Variants in GRIK4 observed in about 807,000 individuals in gnomAD.
GRIK4 encodes the protein glutamate ionotropic receptor kainate type subunit 4, also known as glutamate receptor ionotropic, kainate 4.
Under a neutral mutation model 104.9 loss-of-function variants are expected in GRIK4, and 40 were observed. That is an observed-to-expected ratio of 0.38 (90% CI 0.30 to 0.50). The LOEUF (loss-of-function observed/expected upper bound fraction) is 0.50, where lower values mean the gene tolerates loss of function less well. Ranked by LOEUF, GRIK4 falls within the 20% of genes least tolerant of loss-of-function variation. The pLI is 0.93. For synonymous variants in GRIK4, 485 were observed against 524.9 expected (o/e 0.92, Z 1.04); for missense variants, 1,047 against 1,308.1 (o/e 0.80, Z 3.08).
intron 14 of GRIK4, among the ~76,000 whole-genome samples, chr11:120,946,376 T>C (rs917020108): frequency 2.0e-5 from 3 of 152,236 alleles, no homozygotes; most frequent in African/African-American, 7.2e-5. Context: ...AACAGTTCGT[T>C]GTTGCTGGGT....
intron 19 of GRIK4, among the ~76,000 whole-genome samples, chr11:120,976,480 T>C (rs1418013598): frequency 6.6e-6 from 1 of 152,246 alleles, no homozygotes; most frequent in Non-Finnish European, 1.5e-5. Flanking sequence ...ATAAAGTTGC[T>C]ATTTACAATA....
At chr11:120,797,745 G>T (rs552327009) in intron 3 of GRIK4, among the ~76,000 whole-genome samples, 1 of 152,198 alleles carries the variant, frequency 6.6e-6, no homozygotes, top group Non-Finnish European at 1.5e-5. Context: ...TAGTGAGTTG[G>T]CAATGACCTG....
At chr11:120,840,905 G>T (rs1413126551) in intron 8 of GRIK4, among the ~76,000 whole-genome samples, 1 of 151,828 alleles carries the variant, frequency 6.6e-6, no homozygotes, top group Non-Finnish European at 1.5e-5. Context: ...CCTCCCCATG[G>T]CCTGTGGTAA....
In GRIK4 at chr11:120,903,447, C is replaced by T. The variant is rs938780548; in HGVS notation, c.1273-1843C>T. ...CTCCAGGCTCAGGCCTCAACCTCACCCCGCCCCACCCTGCCTCCACCCTGC... is the reference window on the plus strand; with the variant it reads ...CTCCAGGCTCAGGCCTCAACCTCACTCCGCCCCACCCTGCCTCCACCCTGC... On this transcript the variant is annotated intron_variant, in intron 12 of 20. Transcript: ENST00000527524. This position sits in a 1 kb window ranked among gnomAD's most constrained non-coding sequence, Gnocchi z 4.4. Among the ~76,000 whole-genome samples the T allele has an allele frequency of 6.6e-6, 1 of 152,066 alleles. No individual in the cohort carries two copies. Among genetic ancestry groups the T allele is most frequent in the African/African-American group, 2.4e-5 (1 of 41,374 alleles).
intron 1 of GRIK4, among the ~76,000 whole-genome samples, chr11:120,517,515 C>T (rs1005662856): frequency 6.7e-6 from 1 of 148,896 alleles, no homozygotes; most frequent in Admixed American, 6.6e-5. Flanking sequence ...TGACTTCCGC[C>T]TAAAGTTGGA....
chr11:120,935,672 C>T (rs375567184), intron 13 of GRIK4, among the ~76,000 whole-genome samples: 10 of 152,298 alleles, frequency 6.6e-5, no homozygotes, highest in South Asian at 2.1e-4. Context: ...GTTAACGGAA[C>T]GACAGTTATC....
intron 1 of GRIK4, among the ~76,000 whole-genome samples, chr11:120,609,765 C>T (rs1396570541): frequency 6.6e-6 from 1 of 152,078 alleles, no homozygotes; most frequent in Non-Finnish European, 1.5e-5. Context: ...CCATCTGCCT[C>T]GGCCTCCCAA....
chr11:120,704,489 G>A (rs1317245880), intron 3 of GRIK4, among the ~76,000 whole-genome samples: 1 of 152,190 alleles, frequency 6.6e-6, no homozygotes, highest in Non-Finnish European at 1.5e-5. Context: ...TCTCAGCTTC[G>A]AAGCCTGCAC....
At chr11:120,627,715 T>TAA (rs1949279782) in intron 1 of GRIK4, among the ~76,000 whole-genome samples, 1 of 152,186 alleles carries the variant, frequency 6.6e-6, no homozygotes, top group African/African-American at 2.4e-5. Context: ...GTAGCCCTGC[T>TAA]GGACCTCTGC....
chr11:120,712,557 A>T (rs1196610412), intron 3 of GRIK4, among the ~76,000 whole-genome samples: 1 of 151,468 alleles, frequency 6.6e-6, no homozygotes, highest in African/African-American at 2.4e-5. Flanking sequence ...GGAGGCCAGC[A>T]TTGGAGGATC....
At position 120,524,161 on chromosome 11, in the gene GRIK4, A is replaced by G. The variant is rs1314903305; in HGVS notation, c.-159+12274A>G. On this transcript the variant is annotated intron_variant, in intron 1 of 20. Transcript: ENST00000527524. This position sits in a 1 kb window ranked among gnomAD's most constrained non-coding sequence, Gnocchi z 4.5. ...AGGATGGTCTCGATCTCCTGACCTC[A>G]TGATCCACCAGCCTTGACCTCCCAA... Among the ~76,000 whole-genome samples the G allele has an allele frequency of 6.6e-6, 1 of 152,154 alleles. No individual in the cohort carries two copies. The highest frequency in any genetic ancestry group is 1.5e-5 in the Non-Finnish European group (1 of 68,020).
chr11:120,681,843 C>G (rs1335627843), intron 3 of GRIK4, among the ~76,000 whole-genome samples: 1 of 152,204 alleles, frequency 6.6e-6, no homozygotes, highest in Non-Finnish European at 1.5e-5. Context: ...AGCCGAGGGT[C>G]CCCCTTGACA....
chr11:120,787,844 T>C (rs1472559536), intron 3 of GRIK4, among the ~76,000 whole-genome samples: 2 of 108,660 alleles, frequency 1.8e-5, no homozygotes, highest in East Asian at 7.1e-4. Flanking sequence ...TCTTTTTTCT[T>C]TTCTTTTCTT....
Position 120,695,395 on chromosome 11 carries a change from G to A in GRIK4, c.82+34995G>A, listed in dbSNP as rs192845635. Among the ~76,000 whole-genome samples, 8 of 152,340 alleles carry A rather than the reference G, an allele frequency of 5.3e-5. No individual in the cohort carries two copies. In the East Asian group the frequency reaches 7.7e-4, roughly 15 times the overall value. ...TACCGTGAAGGGCCTTCTGTGGCTCGCCAAGGGATTGCTTCGAAGACACAC... is the reference window on the plus strand; with the variant it reads ...TACCGTGAAGGGCCTTCTGTGGCTCACCAAGGGATTGCTTCGAAGACACAC... On this transcript the variant is annotated intron_variant, in intron 3 of 20. Coordinates refer to ENST00000527524, the MANE Select transcript of GRIK4 (RefSeq NM_014619.5).
At chr11:120,722,411 G>C (rs1290000807) in intron 3 of GRIK4, among the ~76,000 whole-genome samples, 1 of 152,012 alleles carries the variant, frequency 6.6e-6, no homozygotes, top group East Asian at 1.9e-4. Flanking sequence ...TTGAGGTCAG[G>C]AGTTCTGACC....
intron 3 of GRIK4, among the ~76,000 whole-genome samples, chr11:120,797,424 C>G (rs72995872): frequency 0.01 from 1,578 of 152,308 alleles, 16 homozygotes; most frequent in Middle Eastern, 0.02. Context: ...GCAAGCTGCT[C>G]TCCTTCATTC....
intron 1 of GRIK4, among the ~76,000 whole-genome samples, chr11:120,554,402 C>G (rs1001160855): frequency 1.3e-5 from 2 of 152,174 alleles, no homozygotes; most frequent in Admixed American, 1.3e-4. Context: ...TGTCTCCCAA[C>G]CTTGCAGCCC....
At chr11:120,533,696 G>A (rs1441323310) in intron 1 of GRIK4, among the ~76,000 whole-genome samples, 1 of 152,186 alleles carries the variant, frequency 6.6e-6, no homozygotes, top group African/African-American at 2.4e-5. Flanking sequence ...TGGCCAACAT[G>A]GTGAAACCCT....
At chr11:120,650,803 G>A (rs1200588193) in intron 1 of GRIK4, among the ~76,000 whole-genome samples, 1 of 152,202 alleles carries the variant, frequency 6.6e-6, no homozygotes, top group Non-Finnish European at 1.5e-5. Context: ...CCGGTCTTGG[G>A]TATGGGAACA....
Sources: gnomAD v4.1 joint callset for allele counts (sites outside exome capture counted in the v4.1 genomes callset) on GRCh38, gnomAD v4.1.1 for gene constraint, Gnocchi (gnomAD v3.1) non-coding constraint, MANE v1.5 for transcripts, NCBI Gene and HGNC (gene_info 2026-07-23, HGNC 2026-07-21) for gene names.